Variants in LMBR1 observed in about 807,000 individuals in gnomAD.
The protein encoded by LMBR1 is limb region 1 protein homolog.
A neutral mutation model predicts 73.9 loss-of-function variants in LMBR1; 52 were observed. The observed-to-expected ratio is 0.70, with a 90% CI of 0.56 to 0.89. The LOEUF is 0.89. Ranked by LOEUF, LMBR1 falls within the 40% of genes least tolerant of loss-of-function variation. The pLI, the probability that LMBR1 is intolerant of heterozygous loss-of-function variation, is 0.00. For missense variants in LMBR1, 539 were observed against 579.8 expected (o/e 0.93, Z 0.72); for synonymous variants, 215 against 209.4 (o/e 1.03, Z -0.23).
intron 4 of LMBR1, among the ~76,000 whole-genome samples, chr7:156,804,078 G>A (rs1294685202): frequency 1.3e-5 from 2 of 151,838 alleles, no homozygotes; most frequent in Admixed American, 6.6e-5. Context: ...CACCAACATG[G>A]CACATGTATA....
intron 5 of LMBR1, among the ~76,000 whole-genome samples, chr7:156,772,032 T>C (rs1031807575): frequency 6.6e-6 from 1 of 152,022 alleles, no homozygotes; most frequent in African/African-American, 2.4e-5. Flanking sequence ...TCCCAGCACT[T>C]TGGGAGGCTG....
intron 3 of LMBR1, among the ~76,000 whole-genome samples, chr7:156,829,948 A>G (rs557148242): frequency 2.0e-5 from 3 of 152,326 alleles, no homozygotes; most frequent in South Asian, 2.1e-4. Flanking sequence ...CTTCTGAAGC[A>G]GAACTCACAT....
At chr7:156,693,227 C>A (rs1807591876) in intron 15 of LMBR1, among the ~76,000 whole-genome samples, 2 of 151,690 alleles carry the variant, frequency 1.3e-5, no homozygotes, top group South Asian at 2.1e-4. Flanking sequence ...GAAAATTAAC[C>A]AAAGAAGTAT....
At chr7:156,726,495 A>C (rs562808986) in intron 12 of LMBR1, among the ~76,000 whole-genome samples, 1 of 152,224 alleles carries the variant, frequency 6.6e-6, no homozygotes, top group South Asian at 2.1e-4. Flanking sequence ...CTATTTTTAT[A>C]ATTAGATCTG....
At chr7:156,887,196 T>C (rs1802047092) in intron 1 of LMBR1, among the ~76,000 whole-genome samples, 1 of 152,176 alleles carries the variant, frequency 6.6e-6, no homozygotes, top group South Asian at 2.1e-4. Context: ...CTGGGCGCGG[T>C]GGCTCACGCC....
chr7:156,744,240 T>C (rs549573795), intron 9 of LMBR1, among the ~76,000 whole-genome samples: 1 of 152,186 alleles, frequency 6.6e-6, no homozygotes, highest in African/African-American at 2.4e-5. Context: ...CCCTTACAAC[T>C]ATGGGTACTA....
chr7:156,788,956 G>A (rs1027232175), intron 5 of LMBR1, among the ~76,000 whole-genome samples: 6 of 152,128 alleles, frequency 3.9e-5, no homozygotes, highest in Non-Finnish European at 8.8e-5. Context: ...GCTGAGGCAG[G>A]AGAATCACTT....
chr7:156,835,539 A>G (rs1194720013), intron 2 of LMBR1, among the ~76,000 whole-genome samples: 1 of 152,060 alleles, frequency 6.6e-6, no homozygotes, highest in East Asian at 1.9e-4. Flanking sequence ...TATTAAAAAT[A>G]CAAAAATTAG....
intron 1 of LMBR1, among the ~76,000 whole-genome samples, chr7:156,862,613 C>T (rs147836609): frequency 5.7e-4 from 87 of 152,112 alleles, no homozygotes; most frequent in African/African-American, 1.9e-3. Flanking sequence ...TTTAAAACTT[C>T]GCTCTGCAAA....
intron 1 of LMBR1, among the ~76,000 whole-genome samples, chr7:156,848,913 A>G (rs886924447): frequency 1.3e-5 from 2 of 150,152 alleles, no homozygotes; most frequent in African/African-American, 4.9e-5. Flanking sequence ...CCTGGGCGAC[A>G]AAGCAAGACT....
intron 9 of LMBR1, among the ~76,000 whole-genome samples, chr7:156,740,792 G>A (rs1420268837): frequency 6.6e-6 from 1 of 152,150 alleles, no homozygotes; most frequent in Non-Finnish European, 1.5e-5. Context: ...TGAGCCATAA[G>A]AAATCACCTG....
At chr7:156,729,628 C>T (rs1313113246) in intron 10 of LMBR1, among the ~76,000 whole-genome samples, 2 of 152,154 alleles carry the variant, frequency 1.3e-5, no homozygotes, top group Admixed American at 1.3e-4. Flanking sequence ...CACATGCCAC[C>T]AAGCCCGGCT....
downstream of LMBR1, chr7:156,676,993 C>T: frequency 4.5e-6 from 1 of 224,144 alleles, no homozygotes; most frequent in East Asian, 1.0e-4. Context: ...TAAAACACTC[C>T]TTAAGTTCCA....
chr7:156,833,796 C>A lies in LMBR1; in HGVS notation c.140-4G>T. 6.3e-7 allele frequency: 1 copy of A among 1,581,976 alleles called. No individual in the cohort carries two copies. The highest frequency in any genetic ancestry group is 8.6e-7 in the Non-Finnish European group (1 of 1,160,982). On this transcript the variant is annotated splice_region_variant and splice_polypyrimidine_tract_variant and intron_variant, in intron 2 of 16. Coordinates refer to ENST00000353442, the MANE Select transcript of LMBR1 (RefSeq NM_022458.4). ...GCATCTTCATCTTCTTGTTCATCTG[C>A]AAAAATGTTTAAGGTATTAATATTC...
At chr7:156,733,980 A>C in intron 10 of LMBR1, 197 bp downstream of exon 10, 1 of 419,468 alleles carries the variant, frequency 2.4e-6, no homozygotes, top group Non-Finnish European at 4.3e-6. Flanking sequence ...TTTTGTATAT[A>C]TATAAAACCA....
At chr7:156,758,723 C>T (rs1422011662) in intron 8 of LMBR1, among the ~76,000 whole-genome samples, 1 of 152,180 alleles carries the variant, frequency 6.6e-6, no homozygotes, top group African/African-American at 2.4e-5. Context: ...GGTCCCAGTG[C>T]CATGCTTCTT....
intron 10 of LMBR1, among the ~76,000 whole-genome samples, chr7:156,729,181 C>T (rs1316653056): frequency 6.6e-6 from 1 of 152,094 alleles, no homozygotes; most frequent in Non-Finnish European, 1.5e-5. Context: ...CTACATTAAA[C>T]ACCTCAATCC....
intron 15 of LMBR1, 104 bp from the exon 16 acceptor site, chr7:156,688,295 C>T: frequency 1.3e-6 from 1 of 756,440 alleles, no homozygotes; most frequent in Non-Finnish European, 2.1e-6. Context: ...GACTTTCTCA[C>T]TTCTGTGACG....
intron 15 of LMBR1, among the ~76,000 whole-genome samples, chr7:156,712,431 A>G (rs767746450): frequency 1.1e-4 from 17 of 152,228 alleles, no homozygotes; most frequent in Non-Finnish European, 1.6e-4. Flanking sequence ...AATTATTACA[A>G]CCTCTATGGA....
Sources: gnomAD v4.1 joint callset for allele counts (sites outside exome capture counted in the v4.1 genomes callset) on GRCh38, gnomAD v4.1.1 for gene constraint, MANE v1.5 for transcripts, NCBI Gene and HGNC (gene_info 2026-07-23, HGNC 2026-07-21) for gene names.